The following MAP4K2 variants were observed in gnomAD, a reference collection of about 807,000 sequenced individuals.
The protein encoded by MAP4K2 is B lymphocyte serine/threonine protein kinase.
MAP4K2 carries 85 observed loss-of-function variants against 125.3 expected under a neutral mutation model. That is an observed-to-expected ratio of 0.68 (90% CI 0.57 to 0.81). The LOEUF is 0.81. MAP4K2 is among the 40% of genes least tolerant of loss of function. The pLI is 0.00. For missense variants in MAP4K2, 923 were observed against 1,056.4 expected, an observed-to-expected ratio of 0.87 and a Z score of 1.75; for synonymous variants, 479 against 445.1, an observed-to-expected ratio of 1.08 and a Z score of -0.96.
rs1267508801 is a variant in MAP4K2 at position 64,789,309 on chromosome 11, C to T, written c.*228G>A. The T allele has an allele frequency of 7.1e-6, 4 of 566,504 alleles. No homozygotes were observed. The highest frequency in any genetic ancestry group is 3.0e-5 in the East Asian group (1 of 33,504). The allele number at this position is 566,504 out of a possible 1,614,324, so 35.1% of individuals were successfully genotyped here. A position where few individuals can be genotyped will look rare whatever the true frequency, so the allele number is the denominator to read the frequency against. On this transcript the variant is annotated 3_prime_UTR_variant, in exon 32 of 32. Transcript: ENST00000294066. ...TTGGGCACTAGGGACTGGGCTGCCT[C>T]GGGGATGGGGGAGTGACAGCAGCTC... is the stretch of plus-strand genomic sequence containing the variant.
At chr11:64,797,600 C>A in intron 16 of MAP4K2, 26 bp downstream of exon 16, 1 of 1,578,172 alleles carries the variant, frequency 6.3e-7, no homozygotes, top group East Asian at 2.3e-5. Context: ...TGCCCCTTGC[C>A]CCTCCCCCAG....
Position 64,800,889 on chromosome 11 carries a change from G to A in MAP4K2, c.662+11C>T. ...ATCAAGGGTCAGGTGAGGGGCAAGT[G>A]TTGGGCTGACCTCATGGGGTGCAGG... is the stretch of plus-strand genomic sequence containing the variant. On this transcript the variant is annotated intron_variant, in intron 9 of 31. Transcript: ENST00000294066. 1 of 1,614,038 alleles carries A rather than the reference G, an allele frequency of 6.2e-7. No homozygotes were observed. The highest frequency in any genetic ancestry group is 8.5e-7 in the Non-Finnish European group (1 of 1,180,014).
rs1283142158 is a variant in MAP4K2, at chr11:64,800,353, G to C, written c.765C>G (p.Thr255=). ...CTGTCGGCCTCTTCTTAGGATTCTT[G>C]GTCAGGGCCAGTTTGAGAAAGTGGT... ...NFHHFLKLAL[T]KNPKKRPTAE... The change falls in exon 11 of 32, where the codon ACC becomes ACG. Residue 255 remains threonine, a synonymous_variant. Transcript: ENST00000294066. 5 of 1,613,980 alleles carry C rather than the reference G, an allele frequency of 3.1e-6. No homozygotes were observed. Among genetic ancestry groups the C allele is most frequent in the Non-Finnish European group, 4.2e-6 (5 of 1,180,028 alleles).
chr11:64,790,353 C>G, intron 28 of MAP4K2, 41 bp downstream of exon 28: 1 of 1,613,612 alleles, frequency 6.2e-7, no homozygotes, highest in South Asian at 1.1e-5. Context: ...CGCCTTACCT[C>G]CATAGTCCCC....
intron 10 of MAP4K2, 75 bp from the exon 11 acceptor site, chr11:64,800,467 C>T: frequency 1.3e-6 from 2 of 1,522,348 alleles, no homozygotes; most frequent in African/African-American, 1.4e-5. Context: ...GCTGCCCTAC[C>T]ACCCCTCCAG....
In MAP4K2 at chr11:64,791,909, C is replaced by A; in HGVS notation, c.2092G>T (p.Glu698Ter). The A allele has an allele frequency of 6.3e-7, 1 of 1,581,444 alleles. No individual in the cohort carries two copies. Among genetic ancestry groups the A allele is most frequent in the East Asian group, 2.3e-5 (1 of 44,040 alleles). Residue 698 changes from glutamate to a stop codon, truncating the protein, a stop_gained and splice_region_variant, in exon 27 of 32, where the codon GAG becomes TAG. Coordinates refer to ENST00000294066, the MANE Select transcript of MAP4K2 (RefSeq NM_004579.5). LOFTEE classifies it high-confidence loss of function. ...CCAGCAGCCTGGCCCTTCTGCTCAC[C>A]AGGTGGGATGAGGATGTCGGGCGTC... ...GLTPDILIPP[E>*]GIPGSAQQVI...
chr11:64,797,544 G>A lies in MAP4K2; in HGVS notation c.1137-10C>T, dbSNP rs200715241. On this transcript the variant is annotated splice_polypyrimidine_tract_variant and intron_variant, in intron 16 of 31. Transcript: ENST00000294066. The stretch of plus-strand genomic sequence containing the variant: ...CCGAATAGTCAGACTCCTGTGGGAG[G>A]GAGATGAGGCGTGAGGCATGAGGTG... The A allele has an allele frequency of 1.2e-4, 184 of 1,572,296 alleles. No homozygotes were observed. In the African/African-American group the frequency reaches 1.5e-3, roughly 13 times the overall value.
In MAP4K2 at chr11:64,802,957, GGT is replaced by G. The variant is rs1334357335; in HGVS notation, c.97-17_97-16del. 1 of 1,567,224 alleles carries G rather than the reference GGT, an allele frequency of 6.4e-7. No homozygotes were observed. Among genetic ancestry groups the G allele is most frequent in the African/African-American group, 1.4e-5 (1 of 73,680 alleles). ...GTGTCGCGGGCCTGCAGGGGCGGAG[GGT>G]GAAGCGGGATGGGGGGCGGGGCCGG... On this transcript the variant is annotated splice_polypyrimidine_tract_variant and intron_variant, in intron 1 of 31. Coordinates refer to ENST00000294066, the MANE Select transcript of MAP4K2 (RefSeq NM_004579.5).
At position 64,800,391 on chromosome 11, in the gene MAP4K2, T is replaced by A. The variant is rs1163657530; in HGVS notation, c.727A>T (p.Thr243Ser). ...PPKLRDKTRWTQNFHHFLKLA... is the reference protein window; with the variant it reads ...PPKLRDKTRWSQNFHHFLKLA... ...TTGAGAAAGTGGTGGAAATTCTGGG[T>A]CCTAGAAGGCACAAGAGCCCCCCAG... Residue 243 changes from threonine to serine, a missense_variant and splice_region_variant, in exon 11 of 32, where the codon ACC becomes TCC. Physicochemically the swap from Thr to Ser is moderately conservative, Grantham distance 58. This residue lies in a region of MAP4K2 where 833 missense variants were observed against 911.4 expected (regional missense o/e 0.91). Coordinates refer to ENST00000294066, the MANE Select transcript of MAP4K2 (RefSeq NM_004579.5). 1 of 1,613,974 alleles carries A rather than the reference T, an allele frequency of 6.2e-7. No homozygotes were observed. Among genetic ancestry groups the A allele is most frequent in the East Asian group, 2.2e-5 (1 of 44,884 alleles).
intron 30 of MAP4K2, 29 bp from the exon 31 acceptor site, chr11:64,789,814 C>T (rs200966022): frequency 4.8e-4 from 779 of 1,614,070 alleles, no homozygotes; most frequent in Non-Finnish European, 6.0e-4. Context: ...AGCACTGAGG[C>T]CACTCCAGTA....
Position 64,798,851 on chromosome 11 carries a change from A to C in MAP4K2, c.1054-14T>G. 1 of 1,591,656 alleles carries C rather than the reference A, an allele frequency of 6.3e-7. No homozygotes were observed. The highest frequency in any genetic ancestry group is 1.1e-5 in the South Asian group (1 of 87,970). On this transcript the variant is annotated splice_polypyrimidine_tract_variant and intron_variant, in intron 14 of 31. Coordinates refer to ENST00000294066, the MANE Select transcript of MAP4K2 (RefSeq NM_004579.5). ...CTCTTCCTCCCACTGGGGGAAACCA[A>C]GGTAGAGACCGGGGAAGAAGCAGAG...
At chr11:64,799,321 C>T in intron 14 of MAP4K2, 100 bp downstream of exon 14, 2 of 1,465,082 alleles carry the variant, frequency 1.4e-6, no homozygotes, top group East Asian at 4.5e-5. Context: ...CCCGAGGCCA[C>T]CCAGCTTCAA....
Position 64,789,728 on chromosome 11 carries a change from A to C in MAP4K2, c.2375+2T>G. The C allele has an allele frequency of 1.2e-6, 2 of 1,614,030 alleles. No individual in the cohort carries two copies. The highest frequency in any genetic ancestry group is 1.7e-6 in the Non-Finnish European group (2 of 1,179,968). On this transcript the variant is annotated splice_donor_variant, in intron 31 of 31. Coordinates refer to ENST00000294066, the MANE Select transcript of MAP4K2 (RefSeq NM_004579.5). LOFTEE classifies it high-confidence loss of function. The stretch of plus-strand genomic sequence containing the variant: ...AGGGGAGGCTAGGGTACCACCGCCT[A>C]CCTGTGGGCCCCAAGCACTCGGAAG...
In MAP4K2 at chr11:64,802,957, G is replaced by A; in HGVS notation, c.97-15C>T. The A allele has an allele frequency of 2.6e-6, 4 of 1,567,224 alleles. No individual in the cohort carries two copies. The highest frequency in any genetic ancestry group is 2.6e-6 in the Non-Finnish European group (3 of 1,157,382). The stretch of plus-strand genomic sequence containing the variant: ...GTGTCGCGGGCCTGCAGGGGCGGAG[G>A]GTGAAGCGGGATGGGGGGCGGGGCC... On this transcript the variant is annotated splice_polypyrimidine_tract_variant and intron_variant, in intron 1 of 31. Transcript: ENST00000294066.
intron 7 of MAP4K2, 144 bp from the exon 8 acceptor site, chr11:64,801,327 G>A (rs1941152241): frequency 9.2e-7 from 1 of 1,091,104 alleles, no homozygotes; most frequent in African/African-American, 1.6e-5. Context: ...CCCTAGGCAA[G>A]GCCAGGTCCC....
chr11:64,785,683 A>T lies in MAP4K2; in HGVS notation c.*3854T>A, dbSNP rs1474592623. 1 of 151,024 alleles carries T rather than the reference A, an allele frequency of 6.6e-6. No individual in the cohort carries two copies. Among genetic ancestry groups the T allele is most frequent in the Non-Finnish European group, 1.5e-5 (1 of 67,846 alleles). 9.4% of individuals were successfully genotyped at this position (151,024 alleles called of 1,614,324 possible). On this transcript the variant is annotated 3_prime_UTR_variant, in exon 32 of 32. Coordinates refer to ENST00000294066, the MANE Select transcript of MAP4K2 (RefSeq NM_004579.5). ...TAGCTCACTGCAGCCTTGAACTCCT[A>T]GGCTCAAGCAATCCTCCCACCTTAG...
At chr11:64,790,092 G>A (rs1009660615) in intron 29 of MAP4K2, 96 bp downstream of exon 29, 8 of 1,533,624 alleles carry the variant, frequency 5.2e-6, no homozygotes, top group Non-Finnish European at 7.2e-6. Context: ...GGGGCTAGGG[G>A]ATCTGCCTCC....
chr11:64,797,418 G>C, intron 17 of MAP4K2, 38 bp from the exon 18 acceptor site: 3 of 1,559,170 alleles, frequency 1.9e-6, no homozygotes, highest in African/African-American at 1.4e-5. Context: ...GCCGTTACCA[G>C]GTTGCCCTGT....
rs202006912 is a variant in MAP4K2 at position 64,792,272 on chromosome 11, C to T, written c.1814G>A (p.Arg605Gln). The T allele has an allele frequency of 1.1e-5, 18 of 1,609,074 alleles. No individual in the cohort carries two copies. In the Middle Eastern group the frequency reaches 5.0e-4, roughly 45 times the overall value. The change falls in exon 26 of 32, where the codon CGG becomes CAG. Residue 605 changes from arginine to glutamine, a missense_variant. Physicochemically the swap from Arg to Gln is conservative, Grantham distance 43. This residue lies in a region of MAP4K2 where 833 missense variants were observed against 911.4 expected (regional missense o/e 0.91). Coordinates refer to ENST00000294066, the MANE Select transcript of MAP4K2 (RefSeq NM_004579.5). ...GAAGGTGGCACCCGTGTAGGGGTTC[C>T]GCACTGGCAGGGGAGCAGGCAGTGG... ...TKGCLQCRVV[R>Q]NPYTGATFLL...
Sources: allele counts gnomAD v4.1 joint callset, GRCh38; gene constraint gnomAD v4.1.1; regional missense constraint gnomAD v4.1.1; transcripts MANE v1.5; gene names NCBI Gene and HGNC (gene_info 2026-07-23, HGNC 2026-07-21).